Variants in WNT5A observed in about 807,000 individuals in gnomAD.
WNT5A encodes the protein Wnt family member 5A, also known as protein Wnt-5a.
In WNT5A, 9 loss-of-function variants were observed where a neutral mutation model predicts 42.1. The ratio of observed to expected loss-of-function variants is 0.21; its 90% CI spans 0.13 to 0.37. The LOEUF is 0.37. Among genes scored for constraint, WNT5A ranks in the 10% least tolerant of loss-of-function variants. The pLI is 1.00. For synonymous variants in WNT5A, 210 were observed against 210.0 expected (o/e 1.00, Z 0.00); for missense variants, 426 against 534.0 (o/e 0.80, Z 1.99).
chr3:55,501,167 A>G, the WNT5A span, among the ~76,000 whole-genome samples: 6 of 152,322 alleles, frequency 3.9e-5, no homozygotes, highest in South Asian at 1.0e-3. Context: ...TTCCAATCAA[A>G]TGCAGAAACT....
intron 4 of WNT5A, among the ~76,000 whole-genome samples, chr3:55,472,942 AGAT>A (rs2106906376): frequency 6.6e-6 from 1 of 152,294 alleles, no homozygotes; most frequent in African/African-American, 2.4e-5. Context: ...TCAACCTACT[AGAT>A]GATCTCACTG....
At chr3:55,477,040 G>A (rs1250842431) in intron 3 of WNT5A, among the ~76,000 whole-genome samples, 1 of 152,174 alleles carries the variant, frequency 6.6e-6, no homozygotes, top group Admixed American at 6.5e-5. Context: ...GGGGTCAGAG[G>A]TGGCGGCCTG....
rs1014691799 is a variant in WNT5A at position 55,483,039 on chromosome 3, G to T, written c.7-2121C>A. Among the ~76,000 whole-genome samples the T allele has an allele frequency of 3.9e-5, 6 of 152,340 alleles. No individual in the cohort carries two copies. Among genetic ancestry groups the T allele is most frequent in the African/African-American group, 1.4e-4 (6 of 41,588 alleles). On this transcript the variant is annotated intron_variant, in intron 1 of 4. Transcript: ENST00000264634. The surrounding 1 kb of genome is among the most constrained non-coding windows in gnomAD (Gnocchi z 4.2). ...CGGCGAGCGGGGCGCGTGGGGCGGG[G>T]CTCAAGCAGCAGAGAAATTGATAAC...
the WNT5A span, among the ~76,000 whole-genome samples, chr3:55,499,139 T>C: frequency 2.0e-5 from 3 of 152,136 alleles, no homozygotes; most frequent in Non-Finnish European, 2.9e-5. Context: ...CAAAGTCAGG[T>C]TTAGAGTTAA....
chr3:55,492,391 G>A (rs2051670041), upstream of WNT5A, among the ~76,000 whole-genome samples: 1 of 152,118 alleles, frequency 6.6e-6, no homozygotes, highest in Non-Finnish European at 1.5e-5. Flanking sequence ...CTCTACAGTG[G>A]AGATAGGAAA....
intron 1 of WNT5A, among the ~76,000 whole-genome samples, chr3:55,484,474 G>C (rs1371757939): frequency 6.6e-6 from 1 of 152,208 alleles, no homozygotes; most frequent in African/African-American, 2.4e-5. Flanking sequence ...GAGCGGGGTA[G>C]GGGAGGAGGG....
rs1484178482 is a variant in WNT5A at position 55,470,390 on chromosome 3, C to A, written c.845G>T (p.Gly282Val). 6 of 1,613,712 alleles carry A rather than the reference C, an allele frequency of 3.7e-6. No individual in the cohort carries two copies. The highest frequency in any genetic ancestry group is 5.1e-6 in the Non-Finnish European group (6 of 1,179,832). ...GCGGCTGTTGACCTGTACCAACTTG[C>A]CCCGGCTGTTGAGCCGCATGGCCGC... ...SAAAMRLNSRGKLVQVNSRFN... is the reference protein window; with the variant it reads ...SAAAMRLNSRVKLVQVNSRFN... The change falls in exon 5 of 5, where the codon GGC becomes GTC. Residue 282 changes from glycine (G) to valine (V), a missense_variant. Coordinates refer to ENST00000264634, the MANE Select transcript of WNT5A (RefSeq NM_003392.7).
Position 55,470,181 on chromosome 3 carries a change from T to C in WNT5A, c.1054A>G (p.Thr352Ala). 1 of 1,614,054 alleles carries C rather than the reference T, an allele frequency of 6.2e-7. No homozygotes were observed. ...RGYDQFKTVQ[T>A]ERCHCKFHWC... ...TGGAACTTGCAGTGGCAGCGCTCCG[T>C]CTGCACGGTCTTGAACTGGTCGTAG... The change falls in exon 5 of 5, where the codon ACG becomes GCG. Residue 352 changes from threonine to alanine, a missense_variant. Physicochemically the swap from Thr to Ala is moderately conservative, Grantham distance 58 (BLOSUM62 0). This residue lies in a region of WNT5A where 358 missense variants were observed against 468.1 expected (regional missense o/e 0.76). Transcript: ENST00000264634.
chr3:55,477,152 C>T (rs921500354), intron 3 of WNT5A, among the ~76,000 whole-genome samples: 2 of 152,202 alleles, frequency 1.3e-5, no homozygotes, highest in South Asian at 4.1e-4. Context: ...GGCACACACA[C>T]ACACACCTTT....
chr3:55,484,451 G>A (rs2096323428), intron 1 of WNT5A, among the ~76,000 whole-genome samples: 1 of 152,168 alleles, frequency 6.6e-6, no homozygotes, highest in South Asian at 2.1e-4. Context: ...CAATATGTGT[G>A]TTGGCGCGCG....
At chr3:55,470,603 A>G in intron 4 of WNT5A, 53 bp from the exon 5 acceptor site, 1 of 1,433,088 alleles carries the variant, frequency 7.0e-7, no homozygotes, top group South Asian at 1.4e-5. Flanking sequence ...AGCCAGATGC[A>G]GGCTATAGGA....
the WNT5A span, among the ~76,000 whole-genome samples, chr3:55,503,961 G>T: frequency 3.3e-5 from 5 of 151,678 alleles, no homozygotes. Flanking sequence ...ACAAACAAAC[G>T]AACAAAAAAC....
In WNT5A at chr3:55,470,069, G is replaced by T. The variant is rs1489105648; in HGVS notation, c.*23C>A. 1 of 1,613,686 alleles carries T rather than the reference G, an allele frequency of 6.2e-7. No homozygotes were observed. The highest frequency in any genetic ancestry group is 8.5e-7 in the Non-Finnish European group (1 of 1,179,664). On this transcript the variant is annotated 3_prime_UTR_variant, in exon 5 of 5. Transcript: ENST00000264634. ...ATAAATAAGCGGGTCCTGGGAGCGGGGCTGAGTGCTGGGTGGCACCCACTA... is the reference window on the plus strand; with the variant it reads ...ATAAATAAGCGGGTCCTGGGAGCGGTGCTGAGTGCTGGGTGGCACCCACTA...
chr3:55,481,426 G>A, intron 1 of WNT5A: 1 of 985,414 alleles, frequency 1.0e-6, no homozygotes, highest in South Asian at 4.7e-5. Flanking sequence ...TGCCAAGGAG[G>A]CGGGGTGGCC....
At position 55,474,354 on chromosome 3, in the gene WNT5A, T is replaced by C; in HGVS notation, c.667A>G (p.Asn223Asp). The part of the protein sequence containing the change: ...SARILMNLHN[N>D]EAGRRTVYNL... ...GCACTCACCCTGCGGCCGGCCTCGT[T>C]GTTGTGCAGGTTCATGAGGATGCGA... The change falls in exon 4 of 5, where the codon AAC (asparagine) becomes GAC (aspartate). Residue 223 changes from asparagine to aspartate, a missense_variant. Asn to Asp is a conservative substitution (Grantham distance 23, BLOSUM62 1). Around this residue, in one of 3 missense-constraint regions of WNT5A, gnomAD observed 358 missense variants for 468.1 expected, o/e 0.76. Coordinates refer to ENST00000264634, the MANE Select transcript of WNT5A (RefSeq NM_003392.7). The C allele has an allele frequency of 6.2e-7, 1 of 1,612,854 alleles. No individual in the cohort carries two copies.
At chr3:55,481,489 G>A in intron 1 of WNT5A, 1 of 673,222 alleles carries the variant, frequency 1.5e-6, no homozygotes, top group Non-Finnish European at 1.8e-6. Flanking sequence ...GGCAGGGGGT[G>A]GGGGGCGAGG....
chr3:55,486,369 C>A (rs2051578561), intron 1 of WNT5A, among the ~76,000 whole-genome samples: 1 of 152,202 alleles, frequency 6.6e-6, no homozygotes, highest in Admixed American at 6.5e-5. Flanking sequence ...CGCGCTGGCC[C>A]CCCGCCAGGC....
At chr3:55,479,652 G>T in intron 2 of WNT5A, 88 bp from the exon 3 acceptor site, 1 of 1,448,802 alleles carries the variant, frequency 6.9e-7, no homozygotes, top group South Asian at 1.5e-5. Flanking sequence ...ATAGTTTTAA[G>T]CACACAGATG....
In WNT5A at chr3:55,479,434, G is replaced by A; in HGVS notation, c.271C>T (p.Gln91Ter). ...GTCTTCGCGCCTTCTCCGATGTACT[G>A]CATGTGGTCCTGATACAAGTGGCAC... Reference protein sequence around the residue: ...KLCHLYQDHMQYIGEGAKTGI... With the variant: ...KLCHLYQDHM The change falls in exon 3 of 5, where the codon CAG becomes TAG. Residue 91 changes from glutamine (Q) to a stop codon, truncating the protein, a stop_gained. Transcript: ENST00000264634. LOFTEE classifies it high-confidence loss of function. 1 of 1,614,022 alleles carries A rather than the reference G, an allele frequency of 6.2e-7. No homozygotes were observed. The highest frequency in any genetic ancestry group is 8.5e-7 in the Non-Finnish European group (1 of 1,179,888).
Sources: gnomAD v4.1 joint callset for allele counts (sites outside exome capture counted in the v4.1 genomes callset) on GRCh38, gnomAD v4.1.1 for gene constraint, gnomAD v4.1.1 regional missense constraint, Gnocchi (gnomAD v3.1) non-coding constraint, MANE v1.5 for transcripts, NCBI Gene and HGNC (gene_info 2026-07-23, HGNC 2026-07-21) for gene names.